Variants in QTMAN observed in about 807,000 individuals in gnomAD.
The protein encoded by QTMAN is queuosine-tRNA mannosyltransferase, also known as tRNA-queuosine alpha-mannosyltransferase.
At chr2:144,108,420 C>T in the QTMAN span, among the ~76,000 whole-genome samples, 1 of 151,992 alleles carries the variant, frequency 6.6e-6, no homozygotes, top group Non-Finnish European at 1.5e-5. Flanking sequence ...CGGGCAGATC[C>T]CGAGGTCAGG....
the QTMAN span, among the ~76,000 whole-genome samples, chr2:144,107,629 A>G: frequency 6.6e-6 from 1 of 152,218 alleles, no homozygotes; most frequent in African/African-American, 2.4e-5. Flanking sequence ...ACCAACCCAA[A>G]AAAGTCCAGG....
chr2:144,147,697 T>C, the QTMAN span, among the ~76,000 whole-genome samples: 2 of 151,808 alleles, frequency 1.3e-5, no homozygotes, highest in Non-Finnish European at 2.9e-5. Context: ...GCATTAAAAG[T>C]AGCCTTCATA....
chr2:144,244,565 C>T, the QTMAN span, among the ~76,000 whole-genome samples: 1 of 152,186 alleles, frequency 6.6e-6, no homozygotes, highest in Non-Finnish European at 1.5e-5. Context: ...TAACATAAAA[C>T]TATATCAGTC....
chr2:143,975,061 G>A, the QTMAN span, among the ~76,000 whole-genome samples: 552 of 152,290 alleles, frequency 3.6e-3, 2 homozygotes, highest in Non-Finnish European at 5.2e-3. Context: ...AGAGACCAAC[G>A]CAGAAATATT....
At chr2:144,007,460 G>A in the QTMAN span, 4 of 1,613,138 alleles carry the variant, frequency 2.5e-6, no homozygotes, top group Non-Finnish European at 3.4e-6. Context: ...GAAGGGCCAT[G>A]GACAGAACCG....
At chr2:144,167,154 G>A in the QTMAN span, among the ~76,000 whole-genome samples, 1 of 152,090 alleles carries the variant, frequency 6.6e-6, no homozygotes, top group Admixed American at 6.6e-5. Flanking sequence ...ATAGATGTTT[G>A]ATAAGTATTA....
At chr2:144,065,207 G>A in the QTMAN span, among the ~76,000 whole-genome samples, 4 of 152,154 alleles carry the variant, frequency 2.6e-5, no homozygotes, top group African/African-American at 4.8e-5. Flanking sequence ...TGTCCCTGAA[G>A]ATGTTCTCAG....
the QTMAN span, among the ~76,000 whole-genome samples, chr2:144,138,079 C>T: frequency 1.3e-5 from 2 of 152,118 alleles, no homozygotes; most frequent in African/African-American, 4.8e-5. Context: ...GCCAAAGTGG[C>T]TCCAATGTTA....
chr2:144,063,572 T>C, the QTMAN span, among the ~76,000 whole-genome samples: 2 of 152,192 alleles, frequency 1.3e-5, no homozygotes, highest in East Asian at 3.8e-4. Context: ...GCTTAAAAAA[T>C]TGTTTCTGAA....
the QTMAN span, among the ~76,000 whole-genome samples, chr2:144,134,380 G>A: frequency 6.6e-6 from 1 of 152,142 alleles, no homozygotes; most frequent in Non-Finnish European, 1.5e-5. Context: ...AAATGATGAA[G>A]AGAAATGTGC....
At chr2:144,286,801 C>T in the QTMAN span, among the ~76,000 whole-genome samples, 4 of 152,224 alleles carry the variant, frequency 2.6e-5, no homozygotes, top group Admixed American at 2.0e-4. Flanking sequence ...TCACACTGCA[C>T]TCCTAATGCA....
At chr2:144,303,287 C>A in the QTMAN span, among the ~76,000 whole-genome samples, 2 of 152,218 alleles carry the variant, frequency 1.3e-5, no homozygotes, top group African/African-American at 2.4e-5. Flanking sequence ...AGTATAAAAA[C>A]GTAGAATATG....
chr2:144,020,050 T>A, the QTMAN span, among the ~76,000 whole-genome samples: 1 of 152,192 alleles, frequency 6.6e-6, no homozygotes. Context: ...CCAGCAGACA[T>A]TTGAGGAAAA....
the QTMAN span, among the ~76,000 whole-genome samples, chr2:144,286,740 A>G: frequency 3.0e-4 from 46 of 152,350 alleles, no homozygotes; most frequent in African/African-American, 1.1e-3. Context: ...ATGCAGAGTA[A>G]ATGTGGGGGA....
the QTMAN span, among the ~76,000 whole-genome samples, chr2:144,021,872 T>C: frequency 6.6e-6 from 1 of 152,262 alleles, no homozygotes; most frequent in African/African-American, 2.4e-5. Context: ...AGGGAAAATG[T>C]GCGTGTGCGT....
chr2:144,261,453 G>T, the QTMAN span, among the ~76,000 whole-genome samples: 3 of 152,044 alleles, frequency 2.0e-5, no homozygotes, highest in African/African-American at 7.2e-5. Context: ...CTCTGAAATG[G>T]GGGAAAGCCC....
At chr2:144,218,915 T>TAAAAAAAAA in the QTMAN span, among the ~76,000 whole-genome samples, 5 of 54,626 alleles carry the variant, frequency 9.2e-5, no homozygotes, top group Middle Eastern at 0.012. Flanking sequence ...GGAAAGTATC[T>TAAAAAAAAA]AAAAAAAAAA....
chr2:144,288,653 A>C, the QTMAN span, among the ~76,000 whole-genome samples: 5 of 152,314 alleles, frequency 3.3e-5, no homozygotes, highest in South Asian at 6.2e-4. Context: ...ATTAAAACAG[A>C]GGTCTTCCAA....
chr2:144,330,449 T>C, the QTMAN span, among the ~76,000 whole-genome samples: 1 of 152,210 alleles, frequency 6.6e-6, no homozygotes, highest in Non-Finnish European at 1.5e-5. Flanking sequence ...CCACGGTTTA[T>C]ATACACCATA....
Sources: gnomAD v4.1 joint callset for allele counts (sites outside exome capture counted in the v4.1 genomes callset) on GRCh38, gnomAD v4.1.1 for gene constraint, MANE v1.5 for transcripts, NCBI Gene and HGNC (gene_info 2026-07-23, HGNC 2026-07-21) for gene names.